WIPF1: variants seen among roughly 807,000 people sequenced by gnomAD.
WIPF1 encodes the protein WAS/WASL-interacting protein family member 1.
In WIPF1, 13 loss-of-function variants were observed where a neutral mutation model predicts 35.4. The ratio of observed to expected loss-of-function variants is 0.37; its 90% confidence interval spans 0.24 to 0.58. WIPF1 has a LOEUF of 0.58. Ranked by LOEUF, WIPF1 falls within the 20% of genes least tolerant of loss-of-function variation. WIPF1 has a pLI of 0.74. For missense variants in WIPF1, 591 were observed against 667.0 expected (o/e 0.89, Z 1.25); for synonymous variants, 267 against 266.3 (o/e 1.00, Z -0.02).
chr2:174,674,151 T>A (rs1472046341), intron 1 of WIPF1, among the ~76,000 whole-genome samples: 1 of 152,242 alleles, frequency 6.6e-6, no homozygotes, highest in Non-Finnish European at 1.5e-5. Context: ...AGAAGCAGAA[T>A]CTAAACTCAC....
intron 1 of WIPF1, among the ~76,000 whole-genome samples, chr2:174,607,622 T>C (rs1686212410): frequency 6.6e-6 from 1 of 151,380 alleles, no homozygotes; most frequent in Non-Finnish European, 1.5e-5. Context: ...CCCCTCTCCT[T>C]CCTTGACCTC....
chr2:174,607,145 G>T (rs991878042), intron 1 of WIPF1, among the ~76,000 whole-genome samples: 1 of 152,140 alleles, frequency 6.6e-6, no homozygotes, highest in Non-Finnish European at 1.5e-5. Context: ...ATCTCTTAAA[G>T]GTTCCACCTC....
Position 174,587,378 on chromosome 2 carries a change from T to C in WIPF1, c.-38-1767A>G, listed in dbSNP as rs998711075. The C allele has an allele frequency of 5.9e-5, 9 of 152,192 alleles. No homozygotes were observed. The East Asian group carries it at 1.7e-3, about 29-fold the overall frequency. 9.4% of individuals were successfully genotyped at this position (152,192 alleles called of 1,614,324 possible). A position where few individuals can be genotyped will look rare whatever the true frequency, so the allele number is the denominator to read the frequency against. On this transcript the variant is annotated intron_variant, in intron 1 of 7. Coordinates refer to ENST00000679041, the MANE Select transcript of WIPF1 (RefSeq NM_001375834.1). ...AATTTCTTAGAATTTAAAATATTCATTTAGTTCAACCACTACAAGTTAATG... is the reference window on the plus strand; with the variant it reads ...AATTTCTTAGAATTTAAAATATTCACTTAGTTCAACCACTACAAGTTAATG...
chr2:174,586,668 C>T (rs1385005004), intron 1 of WIPF1, among the ~76,000 whole-genome samples: 1 of 152,156 alleles, frequency 6.6e-6, no homozygotes, highest in Non-Finnish European at 1.5e-5. Context: ...GCTCCCTCTG[C>T]CCTGTCTAGG....
upstream of WIPF1, among the ~76,000 whole-genome samples, chr2:174,599,661 G>A (rs1041670344): frequency 1.3e-5 from 2 of 152,214 alleles, no homozygotes; most frequent in African/African-American, 4.8e-5. Flanking sequence ...AAATGCCTGA[G>A]TGAATCTTTG....
At chr2:174,619,625 G>A (rs1686615191) in intron 1 of WIPF1, among the ~76,000 whole-genome samples, 2 of 152,152 alleles carry the variant, frequency 1.3e-5, no homozygotes, top group African/African-American at 4.8e-5. Flanking sequence ...CTTCGGGGAA[G>A]GCCTAGACCC....
chr2:174,670,683 G>A lies in WIPF1; in HGVS notation c.-39+12091C>T, dbSNP rs562471681. On this transcript the variant is annotated intron_variant, in intron 1 of 8. Coordinates refer to the WIPF1 transcript ENST00000272746. ...TGCTGCTGAGCCAAAACAGCAATGC[G>A]TTGTTCCTTAGACCAGGACTAAGAA... Among the ~76,000 whole-genome samples, 9 of 152,328 alleles carry A rather than the reference G, an allele frequency of 5.9e-5. No homozygotes were observed. The East Asian group carries it at 9.6e-4, about 16-fold the overall frequency.
chr2:174,581,752 A>T (rs1249410921), intron 2 of WIPF1, among the ~76,000 whole-genome samples: 2 of 152,214 alleles, frequency 1.3e-5, no homozygotes, highest in Non-Finnish European at 2.9e-5. Context: ...AGACACGAGA[A>T]AAGAATTTTA....
intron 1 of WIPF1, among the ~76,000 whole-genome samples, chr2:174,586,797 A>G (rs1685438619): frequency 6.6e-6 from 1 of 152,114 alleles, no homozygotes; most frequent in Non-Finnish European, 1.5e-5. Flanking sequence ...GCTGTTAGAA[A>G]TGTCAACTCC....
chr2:174,630,513 T>A (rs1386130998), intron 1 of WIPF1: 1 of 152,234 alleles, frequency 6.6e-6, no homozygotes, highest in Non-Finnish European at 1.5e-5. Context: ...AAAAGCTTTC[T>A]ATGCACTTTC....
Position 174,572,324 on chromosome 2 carries a change from G to C in WIPF1, c.481C>G (p.Pro161Ala). Residue 161 changes from proline (P) to alanine (A), a missense_variant, in exon 5 of 8, where the codon CCC becomes GCC. This residue lies in a region of WIPF1 where 471 missense variants were observed against 501.1 expected (regional missense o/e 0.94). Transcript: ENST00000679041. ...PVPSPGHRSG[P>A]PEPQRNRMPP... Reference sequence around the variant, plus strand: ...ATTCGGTTCCTCTGAGGCTCTGGGGGACCACTTCTGTGGCCTGGAGAAGGC... The same window carrying C: ...ATTCGGTTCCTCTGAGGCTCTGGGGCACCACTTCTGTGGCCTGGAGAAGGC... The C allele has an allele frequency of 6.2e-7, 1 of 1,614,094 alleles. No individual in the cohort carries two copies. Among genetic ancestry groups the C allele is most frequent in the African/African-American group, 1.3e-5 (1 of 75,030 alleles).
At chr2:174,652,586 T>C (rs1687554881) in intron 1 of WIPF1, among the ~76,000 whole-genome samples, 1 of 152,094 alleles carries the variant, frequency 6.6e-6, no homozygotes, top group African/African-American at 2.4e-5. Context: ...ATGCCCGAGG[T>C]TAAATTAAAG....
intron 2 of WIPF1, 131 bp from the exon 3 acceptor site, chr2:174,581,570 C>G: frequency 8.6e-7 from 1 of 1,160,982 alleles, no homozygotes; most frequent in Middle Eastern, 2.3e-4. Context: ...AAATTCTCGA[C>G]AAGTTTTAGA....
chr2:174,565,140 C>T (rs1684617221), intron 7 of WIPF1, among the ~76,000 whole-genome samples: 1 of 152,062 alleles, frequency 6.6e-6, no homozygotes, highest in South Asian at 2.1e-4. Flanking sequence ...GGTGATCTGC[C>T]CACCTCAGCC....
chr2:174,623,368 T>A (rs1232146174), intron 1 of WIPF1: 1 of 152,178 alleles, frequency 6.6e-6, no homozygotes, highest in African/African-American at 2.4e-5. Flanking sequence ...TCTGAAAGTT[T>A]GGGGGAGAAA....
intron 1 of WIPF1, among the ~76,000 whole-genome samples, chr2:174,666,552 T>G (rs1387530848): frequency 6.6e-6 from 1 of 152,204 alleles, no homozygotes; most frequent in African/African-American, 2.4e-5. Flanking sequence ...TGAGAGTTCA[T>G]TAGTTTACAT....
chr2:174,573,891 C>CTT (rs564081857), intron 4 of WIPF1, among the ~76,000 whole-genome samples: 83 of 138,896 alleles, frequency 6.0e-4, no homozygotes, highest in Non-Finnish European at 7.4e-4. Context: ...CTTTCTTCTT[C>CTT]TTTTTTTTTT....
intron 2 of WIPF1, 52 bp from the exon 3 acceptor site, chr2:174,581,491 A>G (rs750534727): frequency 2.5e-6 from 4 of 1,595,372 alleles, no homozygotes; most frequent in East Asian, 4.5e-5. Context: ...AAAATCATGC[A>G]TTGTAACACT....
intron 1 of WIPF1, among the ~76,000 whole-genome samples, chr2:174,609,570 C>A (rs541244850): frequency 6.6e-6 from 1 of 152,174 alleles, no homozygotes; most frequent in African/African-American, 2.4e-5. Flanking sequence ...TGATCACTTA[C>A]AAACTGAAGT....
Sources: gnomAD v4.1 joint callset for allele counts (sites outside exome capture counted in the v4.1 genomes callset) on GRCh38, gnomAD v4.1.1 for gene constraint, gnomAD v4.1.1 regional missense constraint, MANE v1.5 for transcripts, NCBI Gene and HGNC (gene_info 2026-07-23, HGNC 2026-07-21) for gene names.